The following CNNM3 variants were observed in gnomAD, a reference collection of about 807,000 sequenced individuals.
CNNM3 encodes metal transporter CNNM3.
In CNNM3, 47 loss-of-function variants were observed where a neutral mutation model predicts 57.1. The ratio of observed to expected loss-of-function variants is 0.82; its 90% CI spans 0.65 to 1.05. The LOEUF is 1.05. CNNM3 is among the 50% of genes least tolerant of loss of function. The pLI is 0.00. For synonymous variants in CNNM3, 507 were observed against 478.2 expected, an observed-to-expected ratio of 1.06 and a Z score of -0.79; for missense variants, 957 against 973.7, an observed-to-expected ratio of 0.98 and a Z score of 0.23.
At chr2:96,828,459 G>C (rs1453026938) in intron 5 of CNNM3, 108 bp from the exon 6 acceptor site, 2 of 1,390,584 alleles carry the variant, frequency 1.4e-6, no homozygotes, top group South Asian at 2.6e-5. Context: ...TGCCTCTCCA[G>C]AGTGATTGGT....
At position 96,816,941 on chromosome 2, in the gene CNNM3, G is replaced by T; in HGVS notation, c.664G>T (p.Val222Leu). ...GTACCGCGCGGCCGGCCAGCGTGCG[G>T]TGCCCGCCGTGTTGGGCAGCGCGGG... ...LLYRAAGQRAVPAVLGSAGLV... is the reference protein window; with the variant it reads ...LLYRAAGQRALPAVLGSAGLV... Residue 222 changes from valine to leucine, a missense_variant, in exon 1 of 8, where the codon GTG (valine) becomes TTG (leucine). Around this residue, in one of 2 missense-constraint regions of CNNM3, gnomAD observed 466 missense variants for 403.1 expected, o/e 1.16. Transcript: ENST00000305510. The T allele has an allele frequency of 7.9e-7, 1 of 1,260,390 alleles. No homozygotes were observed. The highest frequency in any genetic ancestry group is 1.0e-6 in the Non-Finnish European group (1 of 999,654). 78.1% of individuals were successfully genotyped at this position (1,260,390 alleles called of 1,614,324 possible).
At position 96,816,741 on chromosome 2, in the gene CNNM3, A is replaced by C; in HGVS notation, c.464A>C (p.Gln155Pro). 9.9e-7 allele frequency: 1 copy of C among 1,014,850 alleles called. No individual in the cohort carries two copies. The highest frequency in any genetic ancestry group is 1.2e-6 in the Non-Finnish European group (1 of 851,384). The allele number at this position is 1,014,850 out of a possible 1,614,324, so 62.9% of individuals were successfully genotyped here. A position where few individuals can be genotyped will look rare whatever the true frequency, so the allele number is the denominator to read the frequency against. Residue 155 changes from glutamine to proline, a missense_variant, in exon 1 of 8, where the codon CAG (glutamine) becomes CCG (proline). By Grantham distance (76) the Gln-to-Pro change is moderately conservative (BLOSUM62 -1). This residue lies in a region of CNNM3 where 466 missense variants were observed against 403.1 expected (regional missense o/e 1.16). Coordinates refer to ENST00000305510, the MANE Select transcript of CNNM3 (RefSeq NM_017623.5). ...CTGGCAGCGCTGGCGCGAGGCCTGC[A>C]GCTGAGCGCGCTGGCGCTGGCGCCT... Reference protein sequence around the residue: ...LALAALARGLQLSALALAPAE... With the variant: ...LALAALARGLPLSALALAPAE...
chr2:96,818,607 A>G (rs893933444), intron 1 of CNNM3, among the ~76,000 whole-genome samples: 1 of 151,972 alleles, frequency 6.6e-6, no homozygotes, highest in Non-Finnish European at 1.5e-5. Flanking sequence ...CCACATTTTC[A>G]TCCCTCCCTT....
chr2:96,822,255 G>A (rs1280943097), intron 1 of CNNM3, among the ~76,000 whole-genome samples: 1 of 151,928 alleles, frequency 6.6e-6, no homozygotes, highest in East Asian at 1.9e-4. Flanking sequence ...CGCCCGTCTC[G>A]GCCTCCCAAA....
At chr2:96,822,680 G>A (rs890761459) in intron 1 of CNNM3, among the ~76,000 whole-genome samples, 64 of 152,272 alleles carry the variant, frequency 4.2e-4, no homozygotes, top group Admixed American at 9.8e-4. Flanking sequence ...GCCATGATGC[G>A]GAAAAGAGTC....
chr2:96,822,374 T>C (rs1458911828), intron 1 of CNNM3, among the ~76,000 whole-genome samples: 1 of 152,084 alleles, frequency 6.6e-6, no homozygotes, highest in Middle Eastern at 3.2e-3. Flanking sequence ...AGTGATGTGA[T>C]CGTGGCTCAC....
rs551956057 is a variant in CNNM3 at position 96,834,791 on chromosome 2, C to T, written c.*2175C>T. Among the ~76,000 whole-genome samples the T allele has an allele frequency of 1.3e-5, 2 of 152,266 alleles. No individual in the cohort carries two copies. The highest frequency in any genetic ancestry group is 3.9e-4 in the East Asian group (2 of 5,194). On this transcript the variant is annotated 3_prime_UTR_variant, in exon 8 of 8. Transcript: ENST00000305510. ...GGATTTTACCATTTTTCCCAATGTC[C>T]CTTTTCTGCTGCAGCAGCCAATCCA...
At chr2:96,818,540 C>T (rs6746421) in intron 1 of CNNM3, among the ~76,000 whole-genome samples, 12,981 of 152,078 alleles carry the variant, frequency 0.085, 1,798 homozygotes, top group African/African-American at 0.29. Context: ...CGTGAGCCAC[C>T]GCGCCCAGCC....
rs2079478869 is a variant in CNNM3 at position 96,825,161 on chromosome 2, G to GA, written c.1330dup (p.Ile444AsnfsTer11). ...TCACCCTGGAGGACGTGATCGAGGA[G>GA]ATCATCAGGTCCGAGATCCTGGACG... On this transcript the variant is annotated frameshift_variant, in exon 2 of 8. Transcript: ENST00000305510. LOFTEE classifies it high-confidence loss of function. 1.2e-6 allele frequency: 2 copies of GA among 1,614,048 alleles called. No homozygotes were observed.
Position 96,834,738 on chromosome 2 carries a change from CA to C in CNNM3, c.*2124del, listed in dbSNP as rs2079663235. Among the ~76,000 whole-genome samples the C allele has an allele frequency of 6.6e-6, 1 of 152,160 alleles. No homozygotes were observed. The highest frequency in any genetic ancestry group is 1.5e-5 in the Non-Finnish European group (1 of 68,040). On this transcript the variant is annotated 3_prime_UTR_variant, in exon 8 of 8. Coordinates refer to ENST00000305510, the MANE Select transcript of CNNM3 (RefSeq NM_017623.5). ...GGTACATTTATCAAAACTAAAGGTG[CA>C]ATCATACTAATAGCTAGAGTTTATT...
At chr2:96,819,458 G>GTGCATATGCTGTGTGCTTGGC (rs1407706813) in intron 1 of CNNM3, among the ~76,000 whole-genome samples, 1 of 152,194 alleles carries the variant, frequency 6.6e-6, no homozygotes, top group Non-Finnish European at 1.5e-5. Context: ...AGTGCCTGGC[G>GTGCATATGCTGTGTGCTTGGC]TGCATATGCT....
downstream of CNNM3, among the ~76,000 whole-genome samples, chr2:96,835,719 A>G (rs976996014): frequency 4.6e-5 from 7 of 152,284 alleles, no homozygotes; most frequent in South Asian, 2.1e-4. Flanking sequence ...TGCCCGCCTC[A>G]GCCTCCCAAA....
intron 1 of CNNM3, among the ~76,000 whole-genome samples, chr2:96,818,171 C>G (rs930492107): frequency 6.6e-6 from 1 of 152,044 alleles, no homozygotes; most frequent in African/African-American, 2.4e-5. Context: ...CTGCAACTTT[C>G]GCCTCCCAGG....
intron 1 of CNNM3, chr2:96,824,833 G>A: frequency 1.8e-6 from 1 of 565,332 alleles, no homozygotes; most frequent in South Asian, 2.1e-5. Flanking sequence ...GTGCAGATGG[G>A]CATGAGCCCA....
Position 96,816,823 on chromosome 2 carries a change from G to C in CNNM3, c.546G>C (p.Arg182=), listed in dbSNP as rs955575399. The C allele has an allele frequency of 2.3e-5, 24 of 1,035,308 alleles. 1 individual carries two copies. Among genetic ancestry groups the C allele is most frequent in the Middle Eastern group, 4.6e-4 (1 of 2,186 alleles). 64.1% of individuals were successfully genotyped at this position (1,035,308 alleles called of 1,614,324 possible). A position where few individuals can be genotyped will look rare whatever the true frequency, so the allele number is the denominator to read the frequency against. Residue 182 remains arginine, a synonymous_variant, in exon 1 of 8, where the codon CGG becomes CGC. Coordinates refer to ENST00000305510, the MANE Select transcript of CNNM3 (RefSeq NM_017623.5). ...CGGAGGCGGAGCGTGCGGCGGCGCG[G>C]CGTTTGGAGCCCGCGCGGCGCTGGG... The part of the protein sequence containing the change: ...SGSEAERAAA[R]RLEPARRWAG...
At position 96,833,276 on chromosome 2, in the gene CNNM3, T is replaced by C; in HGVS notation, c.*660T>C. On this transcript the variant is annotated 3_prime_UTR_variant, in exon 8 of 8. Transcript: ENST00000305510. ...CTTCTGATTCTGAGAGCTGGCCTAG[T>C]GGTGCTGAGGGCCCCTTTCTGCTTC... The C allele has an allele frequency of 3.0e-6, 1 of 332,492 alleles. No homozygotes were observed. Among genetic ancestry groups the C allele is most frequent in the South Asian group, 2.4e-5 (1 of 42,448 alleles). 20.6% of individuals were successfully genotyped at this position (332,492 alleles called of 1,614,324 possible). A position where few individuals can be genotyped will look rare whatever the true frequency, so the allele number is the denominator to read the frequency against.
rs1294969111 is a variant in CNNM3 at position 96,832,891 on chromosome 2, TC to T, written c.*278del. 6.8e-7 allele frequency: 1 copy of T among 1,471,152 alleles called. No homozygotes were observed. Among genetic ancestry groups the T allele is most frequent in the East Asian group, 2.8e-5 (1 of 35,170 alleles). The allele number at this position is 1,471,152 out of a possible 1,614,324, so 91.1% of individuals were successfully genotyped here. A position where few individuals can be genotyped will look rare whatever the true frequency, so the allele number is the denominator to read the frequency against. On this transcript the variant is annotated 3_prime_UTR_variant, in exon 8 of 8. Transcript: ENST00000305510. Reference sequence around the variant, plus strand: ...TGAAAGGAATGCCATCATCTCTAGTTCCCAGGGCCCAGCCTTCCCCTTCTCC... The same window carrying T: ...TGAAAGGAATGCCATCATCTCTAGTTCCAGGGCCCAGCCTTCCCCTTCTCC...
intron 4 of CNNM3, 75 bp from the exon 5 acceptor site, chr2:96,828,024 G>GT (rs2079539295): frequency 6.4e-7 from 1 of 1,572,408 alleles, no homozygotes; most frequent in Non-Finnish European, 8.7e-7. Context: ...GAGGTGGTGG[G>GT]TTTCTCCTTC....
At chr2:96,828,810 G>A in intron 6 of CNNM3, 110 bp downstream of exon 6, 1 of 1,510,996 alleles carries the variant, frequency 6.6e-7, no homozygotes, top group South Asian at 1.2e-5. Flanking sequence ...CTCATCCTGA[G>A]GGACACAGAC....
Sources: gnomAD v4.1 joint callset for allele counts (sites outside exome capture counted in the v4.1 genomes callset) on GRCh38, gnomAD v4.1.1 for gene constraint, gnomAD v4.1.1 regional missense constraint, MANE v1.5 for transcripts, NCBI Gene and HGNC (gene_info 2026-07-23, HGNC 2026-07-21) for gene names.